Variants in MECOM observed in about 807,000 individuals in gnomAD.
MECOM encodes the protein histone-lysine N-methyltransferase MECOM.
MECOM carries 13 observed loss-of-function variants against 116.3 expected under a neutral mutation model. That is an observed-to-expected ratio of 0.11 (90% CI 0.07 to 0.18). The LOEUF (loss-of-function observed/expected upper bound fraction) is 0.18, where lower values mean the gene tolerates loss of function less well. Ranked by LOEUF, MECOM falls within the 10% of genes least tolerant of loss-of-function variation. The probability of loss-of-function intolerance (pLI) is 1.00; values close to 1 mark genes in which losing one functional copy is unlikely to be tolerated. For missense variants in MECOM, 1,299 were observed against 1,509.0 expected (o/e 0.86, Z 2.31); for synonymous variants, 528 against 535.2 (o/e 0.99, Z 0.19).
At chr3:169,261,252 T>G (rs1757497612) in intron 2 of MECOM, among the ~76,000 whole-genome samples, 1 of 152,238 alleles carries the variant, frequency 6.6e-6, no homozygotes, top group Non-Finnish European at 1.5e-5. Context: ...AAATTATTTT[T>G]CTTTAGTTTT....
At chr3:169,661,481 G>A (rs1018634306) in intron 1 of MECOM, among the ~76,000 whole-genome samples, 58 of 152,204 alleles carry the variant, frequency 3.8e-4, no homozygotes, top group African/African-American at 1.2e-3. Flanking sequence ...GTAGCAGCGA[G>A]TGTAAAGAAC....
At chr3:169,146,411 CG>C (rs1383657272) in intron 2 of MECOM, 53 of 1,393,856 alleles carry the variant, frequency 3.8e-5, no homozygotes, top group Non-Finnish European at 4.6e-5. Context: ...CAGAGACACA[CG>C]GAGGGAGGGG....
intron 1 of MECOM, among the ~76,000 whole-genome samples, chr3:169,606,977 G>A (rs1023240809): frequency 1.5e-4 from 23 of 152,294 alleles, no homozygotes; most frequent in Middle Eastern, 3.4e-3. Flanking sequence ...AGCTCAAGTC[G>A]TAGTGTTATT....
At chr3:169,607,241 A>G (rs1768704484) in intron 1 of MECOM, among the ~76,000 whole-genome samples, 1 of 152,246 alleles carries the variant, frequency 6.6e-6, no homozygotes, top group Non-Finnish European at 1.5e-5. Flanking sequence ...CTCGATATCC[A>G]TCTTCCTTCT....
At chr3:169,265,447 T>C (rs775746388) in intron 2 of MECOM, among the ~76,000 whole-genome samples, 71 of 152,348 alleles carry the variant, frequency 4.7e-4, no homozygotes, top group Non-Finnish European at 6.0e-4. Flanking sequence ...TGTACTGCGA[T>C]TATTGTCTCT....
intron 1 of MECOM, among the ~76,000 whole-genome samples, chr3:169,649,095 A>G (rs1184559077): frequency 6.6e-6 from 1 of 152,330 alleles, no homozygotes. Flanking sequence ...ATGTAAATAC[A>G]TCCTACATCT....
intron 1 of MECOM, among the ~76,000 whole-genome samples, chr3:169,551,610 T>C (rs1250149022): frequency 1.3e-5 from 2 of 152,192 alleles, no homozygotes; most frequent in Admixed American, 1.3e-4. Flanking sequence ...CCTTAAATAT[T>C]TGGGAATGAT....
chr3:169,630,026 C>T (rs533133009), intron 1 of MECOM, among the ~76,000 whole-genome samples: 3 of 152,290 alleles, frequency 2.0e-5, no homozygotes, highest in African/African-American at 7.2e-5. Context: ...CTCCATTGGC[C>T]ATCTGAACAA....
intron 1 of MECOM, among the ~76,000 whole-genome samples, chr3:169,433,639 G>GAGAGAAAGAAAGAAAGAA (rs1553851604): frequency 1.6e-5 from 2 of 126,952 alleles, no homozygotes; most frequent in African/African-American, 6.1e-5. Context: ...GAAAGAGAAA[G>GAGAGAAAGAAAGAAAGAA]AGAAAGAAAG....
chr3:169,497,197 C>G (rs777077908), intron 1 of MECOM, among the ~76,000 whole-genome samples: 43 of 152,114 alleles, frequency 2.8e-4, no homozygotes, highest in Non-Finnish European at 5.4e-4. Flanking sequence ...TATCAGCAAC[C>G]AAGTCCTGCT....
At chr3:169,145,273 T>G (rs930698813) in intron 2 of MECOM, 88 of 422,198 alleles carry the variant, frequency 2.1e-4, no homozygotes, top group African/African-American at 1.8e-3. Context: ...TCCTTTCTAT[T>G]AAGAGGACAA....
At chr3:169,336,856 T>G (rs1723656664) in intron 2 of MECOM, among the ~76,000 whole-genome samples, 1 of 152,148 alleles carries the variant, frequency 6.6e-6, no homozygotes, top group African/African-American at 2.4e-5. Flanking sequence ...ACTACCTTTA[T>G]GTAAAAATCA....
In MECOM at chr3:169,084,031, A is replaced by G. The variant is rs2148802309; in HGVS notation, c.*878T>C. 3 of 230,820 alleles carry G rather than the reference A, an allele frequency of 1.3e-5. No individual in the cohort carries two copies. The Admixed American group carries it at 1.7e-4, about 13-fold the overall frequency. The allele number at this position is 230,820 out of a possible 1,614,324, so 14.3% of individuals were successfully genotyped here. ...TCACCTTGGTCCTTGAAATTCGGAAAGGGGTGTGCCTCAGACGTCATAAAG... is the reference window on the plus strand; with the variant it reads ...TCACCTTGGTCCTTGAAATTCGGAAGGGGGTGTGCCTCAGACGTCATAAAG... On this transcript the variant is annotated 3_prime_UTR_variant, in exon 17 of 17. Coordinates refer to ENST00000651503, the MANE Select transcript of MECOM (RefSeq NM_004991.4).
intron 1 of MECOM, among the ~76,000 whole-genome samples, chr3:169,490,347 G>A (rs1236173067): frequency 6.6e-6 from 1 of 152,088 alleles, no homozygotes; most frequent in East Asian, 1.9e-4. Flanking sequence ...TCAAGGTATC[G>A]ATCTTGAAAA....
At chr3:169,147,318 G>T in intron 2 of MECOM, 6 of 985,574 alleles carry the variant, frequency 6.1e-6, no homozygotes, top group Non-Finnish European at 7.2e-6. Context: ...GCGGGTCCTG[G>T]ACCCTCACGG....
At chr3:169,152,669 G>A (rs548966816) in intron 2 of MECOM, among the ~76,000 whole-genome samples, 7 of 152,198 alleles carry the variant, frequency 4.6e-5, no homozygotes, top group East Asian at 1.9e-4. Flanking sequence ...CACTGTGTGC[G>A]TTCAGAATTA....
Position 169,115,429 on chromosome 3 carries a change from A to G in MECOM, c.2443T>C (p.Leu815=), listed in dbSNP as rs781770792. ...VESRPASDGS[L]QHARPTPFFM... ...AAAGGAGTGGGTCTTGCATGCTGCAAGGAACCATCTGAAGCAGGTCTTGAT... is the reference window on the plus strand; with the variant it reads ...AAAGGAGTGGGTCTTGCATGCTGCAGGGAACCATCTGAAGCAGGTCTTGAT... The change falls in exon 8 of 17, where the codon TTG becomes CTG. Residue 815 remains leucine, a synonymous_variant. Transcript: ENST00000651503. 4 of 1,614,086 alleles carry G rather than the reference A, an allele frequency of 2.5e-6. No individual in the cohort carries two copies. Among genetic ancestry groups the G allele is most frequent in the East Asian group, 2.2e-5 (1 of 44,902 alleles).
chr3:169,433,482 AAGAC>A (rs1298117224), intron 1 of MECOM, among the ~76,000 whole-genome samples: 3 of 151,896 alleles, frequency 2.0e-5, no homozygotes, highest in Non-Finnish European at 4.4e-5. Flanking sequence ...AAAGAAAAGA[AAGAC>A]AGACAGACAG....
intron 2 of MECOM, among the ~76,000 whole-genome samples, chr3:169,177,864 G>A (rs78456316): frequency 0.11 from 17,387 of 151,316 alleles, 1,091 homozygotes; most frequent in Non-Finnish European, 0.14. Flanking sequence ...GTTGCGGTGA[G>A]ATGAGATCCC....
Sources: gnomAD v4.1 joint callset for allele counts (sites outside exome capture counted in the v4.1 genomes callset) on GRCh38, gnomAD v4.1.1 for gene constraint, MANE v1.5 for transcripts, NCBI Gene and HGNC (gene_info 2026-07-23, HGNC 2026-07-21) for gene names.